VWC2L: variants seen among roughly 807,000 people sequenced by gnomAD.
VWC2L encodes von Willebrand factor C domain containing 2 like, also known as von Willebrand factor C domain-containing protein 2-like.
Under a neutral mutation model 21.6 loss-of-function variants are expected in VWC2L, and 10 were observed. That is an observed-to-expected ratio of 0.46 (90% CI 0.29 to 0.78). The LOEUF is 0.78. VWC2L is among the 30% of genes least tolerant of loss of function. The pLI, the probability that VWC2L is intolerant of heterozygous loss-of-function variation, is 0.10. For synonymous variants in VWC2L, 96 were observed against 94.3 expected (o/e 1.02, Z -0.10); for missense variants, 209 against 277.1 (o/e 0.75, Z 1.74).
At chr2:214,421,941 G>C (rs995241138) in intron 2 of VWC2L, among the ~76,000 whole-genome samples, 13 of 116,268 alleles carry the variant, frequency 1.1e-4, no homozygotes, top group Non-Finnish European at 2.1e-4. Context: ...GCCCAGGCTG[G>C]AGTGCAGTGG....
chr2:214,565,988 G>C (rs114897877), intron 3 of VWC2L, among the ~76,000 whole-genome samples: 2,102 of 152,236 alleles, frequency 0.014, 16 homozygotes, highest in Middle Eastern at 0.027. Context: ...TTGAACCACA[G>C]TGTTCTCAGC....
chr2:214,489,794 TG>T (rs1183772152), intron 3 of VWC2L, among the ~76,000 whole-genome samples: 27 of 152,222 alleles, frequency 1.8e-4, no homozygotes, highest in Non-Finnish European at 2.9e-5. Flanking sequence ...TGTTGCACTG[TG>T]GGAGTGCTCT....
intron 3 of VWC2L, among the ~76,000 whole-genome samples, chr2:214,527,043 T>G (rs1356413124): frequency 1.1e-4 from 16 of 152,116 alleles, no homozygotes; most frequent in Admixed American, 1.0e-3. Context: ...ATGGCACGTA[T>G]ACACCATAGA....
At chr2:214,483,757 C>A (rs748802347) in intron 3 of VWC2L, among the ~76,000 whole-genome samples, 2 of 152,100 alleles carry the variant, frequency 1.3e-5, no homozygotes, top group African/African-American at 4.8e-5. Flanking sequence ...GACTCTTAAC[C>A]TGCTGGCAGA....
At chr2:214,504,651 C>G (rs1277474529) in intron 3 of VWC2L, among the ~76,000 whole-genome samples, 2 of 152,152 alleles carry the variant, frequency 1.3e-5, no homozygotes, top group African/African-American at 4.8e-5. Flanking sequence ...CTAGGAAAGC[C>G]CATGACGTGG....
chr2:214,470,948 G>A (rs372476732), intron 3 of VWC2L, among the ~76,000 whole-genome samples: 37 of 139,004 alleles, frequency 2.7e-4, no homozygotes, highest in African/African-American at 9.6e-4. Context: ...AAAAAAGATA[G>A]GTGATCGCGT....
intron 3 of VWC2L, among the ~76,000 whole-genome samples, chr2:214,499,599 A>C (rs1214706746): frequency 6.6e-6 from 1 of 152,156 alleles, no homozygotes; most frequent in Non-Finnish European, 1.5e-5. Context: ...ACATGTATAC[A>C]TATGTACCAA....
chr2:214,504,795 G>GA (rs1688944821), intron 3 of VWC2L, among the ~76,000 whole-genome samples: 1 of 152,154 alleles, frequency 6.6e-6, no homozygotes, highest in South Asian at 2.1e-4. Context: ...GCAGCCTGGA[G>GA]ATGTGATTCC....
At position 214,499,575 on chromosome 2, in the gene VWC2L, CACACCA is replaced by C. The variant is rs540038224; in HGVS notation, c.520+62821_520+62826del. On this transcript the variant is annotated intron_variant, in intron 3 of 3. Transcript: ENST00000312504. ...GTAAATGATGAGTTAATGGGTGCAG[CACACCA>C]ACAAGGCACATGTATACATATGTAC... is the stretch of plus-strand genomic sequence containing the variant. 2.2e-4 allele frequency among the ~76,000 whole-genome samples: 33 copies of C among 152,068 alleles called. 1 individual carries two copies. In the East Asian group the frequency reaches 6.4e-3, roughly 29 times the overall value.
At chr2:214,458,515 A>T (rs981385195) in intron 3 of VWC2L, among the ~76,000 whole-genome samples, 3 of 151,896 alleles carry the variant, frequency 2.0e-5, no homozygotes, top group African/African-American at 7.2e-5. Context: ...CTTAAGGGGC[A>T]TCATTAGGTT....
At chr2:214,466,737 C>CA (rs1473111708) in intron 3 of VWC2L, among the ~76,000 whole-genome samples, 1 of 152,242 alleles carries the variant, frequency 6.6e-6, no homozygotes, top group East Asian at 1.9e-4. Context: ...CTAGTGTAGT[C>CA]ACACTTTGTA....
chr2:214,534,400 A>G (rs1483356036), intron 3 of VWC2L, among the ~76,000 whole-genome samples: 2 of 152,138 alleles, frequency 1.3e-5, no homozygotes, highest in African/African-American at 2.4e-5. Context: ...ATAAAAACGC[A>G]TAACAACTGC....
rs374906207 is a variant in VWC2L at position 214,466,053 on chromosome 2, CA to C, written c.520+29296del. ...TTCAAAGCTGTCTTTCCTACCTCTT[CA>C]GTGTCTCTTTCCTTGATATGATGTT... On this transcript the variant is annotated intron_variant, in intron 3 of 3. Coordinates refer to ENST00000312504, the MANE Select transcript of VWC2L (RefSeq NM_001080500.4). Among the ~76,000 whole-genome samples the C allele has an allele frequency of 5.7e-4, 87 of 152,296 alleles. 2 individuals are homozygous for C. In the East Asian group the frequency reaches 0.012, roughly 20 times the overall value.
At chr2:214,463,316 C>A (rs1432681309) in intron 3 of VWC2L, among the ~76,000 whole-genome samples, 1 of 152,062 alleles carries the variant, frequency 6.6e-6, no homozygotes, top group East Asian at 1.9e-4. Flanking sequence ...ATTATGACTT[C>A]TTCACAAATT....
chr2:214,541,173 A>AT (rs1432001765), intron 3 of VWC2L, among the ~76,000 whole-genome samples: 16 of 152,120 alleles, frequency 1.1e-4, no homozygotes, highest in Non-Finnish European at 2.9e-5. Context: ...GAAGAGCATT[A>AT]TGTCCTCTAT....
At chr2:214,558,856 T>G (rs1194139220) in intron 3 of VWC2L, among the ~76,000 whole-genome samples, 1 of 152,058 alleles carries the variant, frequency 6.6e-6, no homozygotes, top group Non-Finnish European at 1.5e-5. Context: ...TCCCTTTAGC[T>G]AGTGTTTCTT....
rs79267234 is a variant in VWC2L at position 214,448,294 on chromosome 2, T to C, written c.520+11536T>C. On this transcript the variant is annotated intron_variant, in intron 3 of 3. Transcript: ENST00000312504. The stretch of plus-strand genomic sequence containing the variant: ...ATAAATGAATCCACACACACCCATA[T>C]TGTATCTTCAATATAGCTGTAATTA... 6.5e-3 allele frequency among the ~76,000 whole-genome samples: 983 copies of C among 152,344 alleles called. 10 individuals carry two copies. The highest frequency in any genetic ancestry group is 0.022 in the African/African-American group (935 of 41,588).
At chr2:214,454,598 C>CTTTGTTTTTTTTTT (rs1703026169) in intron 3 of VWC2L, among the ~76,000 whole-genome samples, 1 of 64,134 alleles carries the variant, frequency 1.6e-5, no homozygotes, top group Non-Finnish European at 2.7e-5. Flanking sequence ...GATTGATTTT[C>CTTTGTTTTTTTTTT]TTTTTTTTTT....
At chr2:214,573,373 CT>C (rs1232234013) in intron 3 of VWC2L, among the ~76,000 whole-genome samples, 2 of 152,082 alleles carry the variant, frequency 1.3e-5, no homozygotes, top group African/African-American at 4.8e-5. Flanking sequence ...TCAGGGACTT[CT>C]TTTAAAACCA....
Sources: gnomAD v4.1 joint callset for allele counts (sites outside exome capture counted in the v4.1 genomes callset) on GRCh38, gnomAD v4.1.1 for gene constraint, MANE v1.5 for transcripts, NCBI Gene and HGNC (gene_info 2026-07-23, HGNC 2026-07-21) for gene names.